PREX2: variants seen among roughly 807,000 people sequenced by gnomAD.
The protein encoded by PREX2 is phosphatidylinositol-3,4,5-trisphosphate dependent Rac exchange factor 2.
PREX2 carries 107 observed loss-of-function variants against 203.2 expected under a neutral mutation model. The ratio of observed to expected loss-of-function variants is 0.53; its 90% CI spans 0.45 to 0.62. The LOEUF is 0.62. Among genes scored for constraint, PREX2 ranks in the 20% least tolerant of loss-of-function variants. The pLI, the probability that PREX2 is intolerant of heterozygous loss-of-function variation, is 0.00. For synonymous variants in PREX2, 672 were observed against 663.6 expected, an observed-to-expected ratio of 1.01 and a Z score of -0.19; for missense variants, 1,777 against 1,955.9, an observed-to-expected ratio of 0.91 and a Z score of 1.72.
intron 34 of PREX2, among the ~76,000 whole-genome samples, chr8:68,153,801 T>G (rs1388032397): frequency 6.6e-6 from 1 of 152,224 alleles, no homozygotes; most frequent in Admixed American, 6.5e-5. Context: ...GAATTCTTAC[T>G]AAGACTCTTG....
chr8:68,077,538 C>G, intron 15 of PREX2, 69 bp downstream of exon 15: 1 of 1,124,736 alleles, frequency 8.9e-7, no homozygotes, highest in Non-Finnish European at 1.4e-6. Context: ...TACTGCAACA[C>G]CCAGTGCTGC....
At chr8:68,012,484 T>G (rs1446801049) in intron 1 of PREX2, among the ~76,000 whole-genome samples, 1 of 152,172 alleles carries the variant, frequency 6.6e-6, no homozygotes, top group Non-Finnish European at 1.5e-5. Flanking sequence ...ACAGCAACAA[T>G]CAAGAGGCTT....
intron 1 of PREX2, among the ~76,000 whole-genome samples, chr8:68,009,864 T>C (rs1807212857): frequency 1.3e-5 from 2 of 152,196 alleles, no homozygotes; most frequent in Admixed American, 6.5e-5. Context: ...AAAGGAACAG[T>C]CTTCTTTTCT....
In PREX2 at chr8:68,097,046, A is replaced by G. The variant is rs376837656; in HGVS notation, c.2398A>G (p.Ile800Val). Residue 800 changes from isoleucine to valine, a missense_variant, in exon 22 of 40, where the codon ATC (isoleucine) becomes GTC (valine). Transcript: ENST00000288368. ...EVIDKFNTMA[I>V]IDGKKEHVSL... Reference sequence around the variant, plus strand: ...TATTGACAAATTCAACACTATGGCCATCATTGATGGGAAGAAGGAGCATGT... The same window carrying G: ...TATTGACAAATTCAACACTATGGCCGTCATTGATGGGAAGAAGGAGCATGT... The G allele has an allele frequency of 1.8e-5, 29 of 1,613,766 alleles. No homozygotes were observed. The Middle Eastern group carries it at 4.9e-4, about 27-fold the overall frequency.
At chr8:68,187,059 T>A (rs902168360) in intron 35 of PREX2, among the ~76,000 whole-genome samples, 2 of 152,008 alleles carry the variant, frequency 1.3e-5, no homozygotes, top group Non-Finnish European at 2.9e-5. Flanking sequence ...AACATCTTTT[T>A]CAGAAAGAAC....
intron 1 of PREX2, among the ~76,000 whole-genome samples, chr8:67,962,136 T>C (rs1218955624): frequency 6.6e-6 from 1 of 152,226 alleles, no homozygotes; most frequent in Non-Finnish European, 1.5e-5. Flanking sequence ...CTTGCCACTT[T>C]TGTTATTTTA....
rs754632853 is a variant in PREX2, at chr8:68,069,853, C to T, written c.1462C>T (p.Arg488Cys). The T allele has an allele frequency of 3.9e-6, 6 of 1,550,884 alleles. No individual in the cohort carries two copies. Among genetic ancestry groups the T allele is most frequent in the Admixed American group, 3.4e-5 (2 of 58,094 alleles). ...TACGTAGGGTGTAAGATTATATTGTCGTCTTCATAGCCTTTTTACTCCAGT... is the reference window on the plus strand; with the variant it reads ...TACGTAGGGTGTAAGATTATATTGTTGTCTTCATAGCCTTTTTACTCCAGT... The part of the protein sequence containing the change: ...VISKGVRLYC[R>C]LHSLFTPVIR... The change falls in exon 13 of 40, where the codon CGT becomes TGT. Residue 488 changes from arginine to cysteine, a missense_variant. Coordinates refer to ENST00000288368, the MANE Select transcript of PREX2 (RefSeq NM_024870.4).
intron 1 of PREX2, among the ~76,000 whole-genome samples, chr8:68,015,640 T>C (rs1807389667): frequency 6.6e-6 from 1 of 152,200 alleles, no homozygotes; most frequent in South Asian, 2.1e-4. Context: ...ACCTGTTTAC[T>C]ATGTGGTCAA....
intron 30 of PREX2, among the ~76,000 whole-genome samples, chr8:68,126,471 G>A (rs1336734784): frequency 6.6e-6 from 1 of 152,024 alleles, no homozygotes; most frequent in Non-Finnish European, 1.5e-5. Flanking sequence ...TATAACAGCA[G>A]TCTTCTGACT....
intron 35 of PREX2, among the ~76,000 whole-genome samples, chr8:68,176,530 C>T (rs886670904): frequency 5.3e-5 from 8 of 152,174 alleles, no homozygotes; most frequent in African/African-American, 1.9e-4. Flanking sequence ...AAGAAATTGC[C>T]CCCAACAGGC....
intron 6 of PREX2, among the ~76,000 whole-genome samples, 167 bp from the exon 7 acceptor site, chr8:68,037,992 G>A (rs757712726): frequency 3.3e-5 from 5 of 152,104 alleles, no homozygotes; most frequent in Non-Finnish European, 7.3e-5. Flanking sequence ...AAACTGGGGG[G>A]TTAGGGGCCC....
chr8:68,153,791 G>T (rs1033124161), intron 34 of PREX2, among the ~76,000 whole-genome samples: 5 of 152,054 alleles, frequency 3.3e-5, no homozygotes, highest in Non-Finnish European at 7.4e-5. Flanking sequence ...ATGTGACACA[G>T]AATTCTTACT....
intron 39 of PREX2, among the ~76,000 whole-genome samples, chr8:68,230,852 T>A (rs1296273539): frequency 6.6e-6 from 1 of 152,178 alleles, no homozygotes; most frequent in East Asian, 1.9e-4. Flanking sequence ...CATGTCAGCC[T>A]ATCCACAGCC....
In PREX2 at chr8:68,045,468, A is replaced by G. The variant is rs539307859; in HGVS notation, c.943+878A>G. 2.0e-5 allele frequency among the ~76,000 whole-genome samples: 3 copies of G among 152,248 alleles called. No individual in the cohort carries two copies. The South Asian group carries it at 6.2e-4, about 32-fold the overall frequency. ...CTGGGGTCCCAGAGGGGAGAAGAAT[A>G]TTTATAATCTGTCAGAAGCACAGAA... On this transcript the variant is annotated intron_variant, in intron 8 of 39. Transcript: ENST00000288368.
At chr8:68,032,061 A>G (rs1807900466) in intron 6 of PREX2, among the ~76,000 whole-genome samples, 2 of 152,194 alleles carry the variant, frequency 1.3e-5, no homozygotes, top group East Asian at 1.9e-4. Flanking sequence ...GATATTGTTT[A>G]TACAGTATAC....
At chr8:68,114,316 C>A (rs1370947593) in intron 25 of PREX2, 1 of 509,836 alleles carries the variant, frequency 2.0e-6, no homozygotes, top group Non-Finnish European at 3.9e-6. Flanking sequence ...AAGATATCGT[C>A]ACCGTCTTGA....
At chr8:68,005,381 C>T (rs1056367743) in intron 1 of PREX2, among the ~76,000 whole-genome samples, 1 of 152,182 alleles carries the variant, frequency 6.6e-6, no homozygotes, top group Non-Finnish European at 1.5e-5. Flanking sequence ...CAGTTCTCCA[C>T]GAAGTAGCTG....
intron 37 of PREX2, among the ~76,000 whole-genome samples, chr8:68,198,735 G>A (rs1425110060): frequency 1.3e-5 from 2 of 152,200 alleles, no homozygotes; most frequent in Non-Finnish European, 2.9e-5. Flanking sequence ...GAGTCTACCT[G>A]AAAGAATAAA....
chr8:68,104,842 T>TG (rs1374814461), intron 23 of PREX2, among the ~76,000 whole-genome samples: 1 of 152,210 alleles, frequency 6.6e-6, no homozygotes, highest in Non-Finnish European at 1.5e-5. Context: ...GCAGTAAGTT[T>TG]GGGCTTGTGG....
Sources: gnomAD v4.1 joint callset for allele counts (sites outside exome capture counted in the v4.1 genomes callset) on GRCh38, gnomAD v4.1.1 for gene constraint, MANE v1.5 for transcripts, NCBI Gene and HGNC (gene_info 2026-07-23, HGNC 2026-07-21) for gene names.